Variants in NCAM1 observed in about 807,000 individuals in gnomAD.
NCAM1 encodes antigen recognized by monoclonal antibody 5.1H11.
A neutral mutation model predicts 109.8 loss-of-function variants in NCAM1; 14 were observed. That is an observed-to-expected ratio of 0.13 (90% CI 0.08 to 0.20). NCAM1 has a LOEUF of 0.20. Ranked by LOEUF, NCAM1 falls within the 10% of genes least tolerant of loss-of-function variation. The pLI is 1.00. For missense variants in NCAM1, 774 were observed against 1,109.9 expected (o/e 0.70, Z 4.30); for synonymous variants, 418 against 442.9 (o/e 0.94, Z 0.70).
At chr11:113,147,544 G>T (rs1490340599) in intron 1 of NCAM1, among the ~76,000 whole-genome samples, 1 of 152,240 alleles carries the variant, frequency 6.6e-6, no homozygotes, top group African/African-American at 2.4e-5. Context: ...TCACCTCTCA[G>T]CACAGTAGGT....
intron 1 of NCAM1, among the ~76,000 whole-genome samples, chr11:113,123,194 A>C (rs1325775803): frequency 2.0e-5 from 3 of 152,202 alleles, no homozygotes; most frequent in East Asian, 3.9e-4. Flanking sequence ...TATATATTTC[A>C]AAATAGTTAG....
At chr11:113,259,535 G>A (rs1368374908) in intron 16 of NCAM1, among the ~76,000 whole-genome samples, 8 of 152,120 alleles carry the variant, frequency 5.3e-5, no homozygotes, top group Non-Finnish European at 8.8e-5. Context: ...GACAGGAGTG[G>A]TGCTTGAGTC....
At chr11:112,983,473 A>G (rs1177845773) in intron 1 of NCAM1, among the ~76,000 whole-genome samples, 2 of 151,386 alleles carry the variant, frequency 1.3e-5, no homozygotes, top group African/African-American at 4.9e-5. Context: ...AAGATGGGGG[A>G]ACTTAATGCC....
intron 7 of NCAM1, among the ~76,000 whole-genome samples, chr11:113,210,811 CACACACACACAT>C (rs1389536040): frequency 1.2e-4 from 18 of 149,848 alleles, no homozygotes; most frequent in South Asian, 4.3e-4. Context: ...CACACACACA[CACACACACACAT>C]ATTTCACAAT....
At chr11:113,177,592 C>T (rs936264790) in intron 1 of NCAM1, among the ~76,000 whole-genome samples, 3 of 152,106 alleles carry the variant, frequency 2.0e-5, no homozygotes, top group Admixed American at 6.5e-5. Context: ...TACCACCACA[C>T]CCAGCTAATT....
intron 14 of NCAM1, among the ~76,000 whole-genome samples, chr11:113,244,516 A>G (rs148346347): frequency 6.6e-6 from 1 of 152,340 alleles, no homozygotes; most frequent in African/African-American, 2.4e-5. Flanking sequence ...ATTTCTCACT[A>G]GTAAGATGAA....
At chr11:113,012,296 G>C (rs1323899746) in intron 1 of NCAM1, among the ~76,000 whole-genome samples, 1 of 152,060 alleles carries the variant, frequency 6.6e-6, no homozygotes, top group Non-Finnish European at 1.5e-5. Flanking sequence ...GGGATTATAG[G>C]CTTTTCCACT....
chr11:113,103,214 C>A (rs1424847136), intron 1 of NCAM1, among the ~76,000 whole-genome samples: 1 of 152,136 alleles, frequency 6.6e-6, no homozygotes, highest in Non-Finnish European at 1.5e-5. Context: ...ATTCCTCCAC[C>A]CTCACACAGG....
intron 1 of NCAM1, among the ~76,000 whole-genome samples, chr11:113,173,256 T>A (rs1293329020): frequency 6.6e-6 from 1 of 152,198 alleles, no homozygotes; most frequent in Non-Finnish European, 1.5e-5. Context: ...ATGTGGCTGA[T>A]TTAATTTGAA....
At chr11:113,244,784 G>A (rs1945450800) in intron 14 of NCAM1, among the ~76,000 whole-genome samples, 1 of 152,112 alleles carries the variant, frequency 6.6e-6, no homozygotes, top group African/African-American at 2.4e-5. Context: ...CCCTTTGGTA[G>A]GAAGGTGCCT....
At chr11:113,214,576 A>G (rs1298725124) in intron 8 of NCAM1, 65 bp downstream of exon 8, 2 of 1,512,012 alleles carry the variant, frequency 1.3e-6, no homozygotes, top group Non-Finnish European at 1.8e-6. Flanking sequence ...GAGTCTGCTC[A>G]TGCCCAGTTC....
At chr11:113,063,389 T>C (rs561419739) in intron 1 of NCAM1, among the ~76,000 whole-genome samples, 5 of 152,318 alleles carry the variant, frequency 3.3e-5, no homozygotes, top group South Asian at 4.1e-4. Context: ...GGCCTGGCAG[T>C]CATTGACAAG....
chr11:113,023,999 T>C (rs1952468030), intron 1 of NCAM1, among the ~76,000 whole-genome samples: 1 of 152,216 alleles, frequency 6.6e-6, no homozygotes, highest in South Asian at 2.1e-4. Flanking sequence ...CCAGTTGCTT[T>C]CAGGGATTTA....
chr11:112,987,877 T>G (rs1400520427), intron 1 of NCAM1, among the ~76,000 whole-genome samples: 1 of 152,174 alleles, frequency 6.6e-6, no homozygotes, highest in Non-Finnish European at 1.5e-5. Context: ...TTTTGGAGAC[T>G]CTAATGTATT....
rs545569868 is a variant in NCAM1 at position 113,116,660 on chromosome 11, G to A, written c.53-85719G>A. On this transcript the variant is annotated intron_variant, in intron 1 of 19. Coordinates refer to ENST00000316851, the MANE Select transcript of NCAM1 (RefSeq NM_181351.5). The stretch of plus-strand genomic sequence containing the variant: ...TCTGCTCATTTCAAAGAGCAAGACT[G>A]ATCAATAAGGTGCCCAAAAAGCTGC... 7.4e-4 allele frequency among the ~76,000 whole-genome samples: 112 copies of A among 152,194 alleles called. 1 individual carries two copies. Among genetic ancestry groups the A allele is most frequent in the Non-Finnish European group, 1.5e-3 (99 of 68,036 alleles).
rs577211464 is a variant in NCAM1, at chr11:113,189,421, G to A, written c.53-12958G>A. ...GCCGAGATCATGCCACTGCAGTCTG[G>A]CCTGGGTGACAGAGCGAGATTCTGT... On this transcript the variant is annotated intron_variant, in intron 1 of 19. Coordinates refer to ENST00000316851, the MANE Select transcript of NCAM1 (RefSeq NM_181351.5). Among the ~76,000 whole-genome samples, 4 of 148,120 alleles carry A rather than the reference G, an allele frequency of 2.7e-5. No homozygotes were observed. The East Asian group carries it at 6.0e-4, about 22-fold the overall frequency.
At chr11:113,243,082 G>A (rs1555119407) in intron 14 of NCAM1, 27 of 748,280 alleles carry the variant, frequency 3.6e-5, no homozygotes, top group Non-Finnish European at 4.2e-5. Flanking sequence ...CCGTGCATGA[G>A]GAGGCTTTTC....
At chr11:113,269,270 G>T (rs1946212695) in intron 17 of NCAM1, among the ~76,000 whole-genome samples, 2 of 152,156 alleles carry the variant, frequency 1.3e-5, no homozygotes, top group Non-Finnish European at 2.9e-5. Flanking sequence ...GACCCTGGGG[G>T]GATTGCAGAT....
rs1945031382 is a variant in NCAM1, at chr11:113,232,220, C to A, written c.1291C>A (p.Gln431Lys). 1.9e-6 allele frequency: 3 copies of A among 1,613,376 alleles called. No homozygotes were observed. The highest frequency in any genetic ancestry group is 1.7e-6 in the Non-Finnish European group (2 of 1,179,622). ...GGCTGTGTACACTTGGGAGGGGAAC[C>A]AGGTGAACATCACCTGCGAGGTATT... ...PVAVYTWEGN[Q>K]VNITCEVFAY... Residue 431 changes from glutamine to lysine, a missense_variant, in exon 11 of 20, where the codon CAG (glutamine) becomes AAG (lysine). This residue lies in a region of NCAM1 where 523 missense variants were observed against 784.2 expected (regional missense o/e 0.67). Coordinates refer to ENST00000316851, the MANE Select transcript of NCAM1 (RefSeq NM_181351.5).
Sources: gnomAD v4.1 joint callset for allele counts (sites outside exome capture counted in the v4.1 genomes callset) on GRCh38, gnomAD v4.1.1 for gene constraint, gnomAD v4.1.1 regional missense constraint, MANE v1.5 for transcripts, NCBI Gene and HGNC (gene_info 2026-07-23, HGNC 2026-07-21) for gene names.